Variants in PCDHA10 observed in about 807,000 individuals in gnomAD.
PCDHA10 encodes the protein protocadherin alpha 10, also known as protocadherin alpha-10.
In PCDHA10, 45 loss-of-function variants were observed where a neutral mutation model predicts 61.2. That is an observed-to-expected ratio of 0.74 (90% CI 0.58 to 0.94). The LOEUF (loss-of-function observed/expected upper bound fraction) is 0.94, where lower values mean the gene tolerates loss of function less well. PCDHA10 is among the 40% of genes least tolerant of loss of function. The pLI is 0.00. For synonymous variants in PCDHA10, 602 were observed against 548.8 expected, an observed-to-expected ratio of 1.10 and a Z score of -1.35; for missense variants, 1,278 against 1,236.2, an observed-to-expected ratio of 1.03 and a Z score of -0.51.
rs1554204719 is a variant in PCDHA10, at chr5:140,927,550, A to G, written c.2389-51399A>G. 4.3e-6 allele frequency: 7 copies of G among 1,614,020 alleles called. No homozygotes were observed. In the Admixed American group the frequency reaches 8.3e-5, roughly 19 times the overall value. ...TGCCCGCTCAGGAGACGCACAAGTC[A>G]CCATCATTGTGGTGGACACAAATGA... On this transcript the variant is annotated intron_variant, in intron 1 of 3. Coordinates refer to ENST00000307360, the MANE Select transcript of PCDHA10 (RefSeq NM_018901.4).
chr5:140,863,352 G>T (rs568992628), intron 1 of PCDHA10: 16 of 1,288,838 alleles, frequency 1.2e-5, no homozygotes, highest in Non-Finnish European at 1.6e-5. Context: ...TGTACACGAC[G>T]CTGCGGTGCT....
intron 1 of PCDHA10, chr5:140,866,668 AT>A (rs2049485821): frequency 1.3e-5 from 2 of 152,156 alleles, no homozygotes; most frequent in African/African-American, 2.4e-5. Flanking sequence ...TCAAGAAATA[AT>A]AGCACTAGGT....
intron 1 of PCDHA10, among the ~76,000 whole-genome samples, chr5:140,885,719 T>C (rs1304075284): frequency 6.6e-6 from 1 of 152,210 alleles, no homozygotes; most frequent in Non-Finnish European, 1.5e-5. Flanking sequence ...TAATGTGATC[T>C]CTGTGAAATG....
chr5:140,870,748 A>G lies in PCDHA10; in HGVS notation c.2388+12312A>G, dbSNP rs782462608. ...CGTGCCGCCTCTGAGCAGCAACGTG[A>G]CGCTGCAGGTGTTCGTGCTGGACGA... On this transcript the variant is annotated intron_variant, in intron 1 of 3. Transcript: ENST00000307360. The G allele has an allele frequency of 1.9e-6, 3 of 1,613,510 alleles. No individual in the cohort carries two copies. In the South Asian group the frequency reaches 3.3e-5, roughly 18 times the overall value.
At chr5:140,966,539 T>C in intron 1 of PCDHA10, 1 of 462,182 alleles carries the variant, frequency 2.2e-6, no homozygotes, top group South Asian at 5.8e-5. Flanking sequence ...GTTGAGCGAC[T>C]CGGAGGCGAG....
At chr5:140,941,239 C>CTTTCTTTCTTTCT in intron 1 of PCDHA10, among the ~76,000 whole-genome samples, 1 of 134,600 alleles carries the variant, frequency 7.4e-6, no homozygotes, top group South Asian at 2.4e-4. Flanking sequence ...TTCTTTCTTT[C>CTTTCTTTCTTTCT]TTTCTTTCTT....
chr5:140,879,051 T>A (rs1446827922), intron 1 of PCDHA10, among the ~76,000 whole-genome samples: 1 of 152,166 alleles, frequency 6.6e-6, no homozygotes, highest in Non-Finnish European at 1.5e-5. Flanking sequence ...ATAGACAACA[T>A]TTTACCAAGA....
intron 3 of PCDHA10, among the ~76,000 whole-genome samples, chr5:140,992,500 A>C (rs1205902091): frequency 6.6e-6 from 1 of 152,222 alleles, no homozygotes; most frequent in Non-Finnish European, 1.5e-5. Context: ...GTAAGGATTC[A>C]ATCCTGGGGC....
chr5:140,883,581 C>A, intron 1 of PCDHA10: 2 of 1,614,018 alleles, frequency 1.2e-6, no homozygotes, highest in Non-Finnish European at 1.7e-6. Flanking sequence ...CTGTGGGCCA[C>A]GGCCAGCGTG....
intron 1 of PCDHA10, among the ~76,000 whole-genome samples, chr5:140,904,057 G>T (rs1043471579): frequency 6.6e-6 from 1 of 151,986 alleles, no homozygotes; most frequent in Non-Finnish European, 1.5e-5. Context: ...ATTTCAATGG[G>T]TTTTTGGGGA....
Position 140,883,366 on chromosome 5 carries a change from C to A in PCDHA10, c.2388+24930C>A, listed in dbSNP as rs34923516. 1.2e-5 allele frequency: 19 copies of A among 1,614,056 alleles called. No individual in the cohort carries two copies. In the African/African-American group the frequency reaches 2.4e-4, roughly 20 times the overall value. On this transcript the variant is annotated intron_variant, in intron 1 of 3. Transcript: ENST00000307360. ...CCATCAGAGAAGACACTCAGCCTAGCGCCATTATTGCCCTAATCAGTGTGT... is the reference window on the plus strand; with the variant it reads ...CCATCAGAGAAGACACTCAGCCTAGAGCCATTATTGCCCTAATCAGTGTGT...
chr5:140,928,757 G>T (rs372744198), intron 1 of PCDHA10: 1 of 1,614,092 alleles, frequency 6.2e-7, no homozygotes, highest in African/African-American at 1.3e-5. Context: ...CGTACTGCTC[G>T]CTTAGTTCTT....
At chr5:140,870,755 A>G in intron 1 of PCDHA10, 3 of 1,613,522 alleles carry the variant, frequency 1.9e-6, no homozygotes, top group Non-Finnish European at 2.5e-6. Flanking sequence ...GTGACGCTGC[A>G]GGTGTTCGTG....
At chr5:141,002,097 G>A (rs782083569) in intron 3 of PCDHA10, among the ~76,000 whole-genome samples, 3 of 152,230 alleles carry the variant, frequency 2.0e-5, no homozygotes, top group Non-Finnish European at 4.4e-5. Flanking sequence ...TCCAGGGGCT[G>A]GGCCGGAAAC....
At chr5:140,900,073 G>T (rs1490261769) in intron 1 of PCDHA10, among the ~76,000 whole-genome samples, 1 of 152,072 alleles carries the variant, frequency 6.6e-6, no homozygotes, top group African/African-American at 2.4e-5. Flanking sequence ...GCCTCCAAAA[G>T]TGCTGCAGTT....
rs191667063 is a variant in PCDHA10 at position 140,957,933 on chromosome 5, T to G, written c.2389-21016T>G. Among the ~76,000 whole-genome samples the G allele has an allele frequency of 2.8e-3, 419 of 152,208 alleles. 2 individuals carry two copies. The highest frequency in any genetic ancestry group is 0.014 in the Middle Eastern group (4 of 294). ...GTTATCTATGTATCAAGCTAAATAA[T>G]TTAAAGATCTTTAAGACTATTAATT... is the stretch of plus-strand genomic sequence containing the variant. On this transcript the variant is annotated intron_variant, in intron 1 of 3. Transcript: ENST00000307360.
chr5:140,870,657 G>A (rs782619046), intron 1 of PCDHA10: 1 of 1,612,514 alleles, frequency 6.2e-7, no homozygotes, highest in East Asian at 2.2e-5. Context: ...AGGTGTACGC[G>A]CTGCAGCCGT....
intron 1 of PCDHA10, chr5:140,876,180 T>G (rs782772220): frequency 1.2e-6 from 2 of 1,613,982 alleles, no homozygotes; most frequent in East Asian, 4.5e-5. Flanking sequence ...TGGATGTGAA[T>G]GACAATGGTC....
chr5:140,856,606 CA>C lies in PCDHA10; in HGVS notation c.561del (p.Asp188ThrfsTer20). 1 of 1,597,764 alleles carries C rather than the reference CA, an allele frequency of 6.3e-7. No individual in the cohort carries two copies. Among genetic ancestry groups the C allele is most frequent in the Non-Finnish European group, 8.6e-7 (1 of 1,167,398 alleles). On this transcript the variant is annotated frameshift_variant, in exon 1 of 4. Coordinates refer to ENST00000307360, the MANE Select transcript of PCDHA10 (RefSeq NM_018901.4). LOFTEE classifies it high-confidence loss of function. Reference sequence around the variant, plus strand: ...TTCTTGATATTATAAACAAAAAAGACAAAGACAAATTCCCAGTGCTTGTTCT... The same window carrying C: ...TTCTTGATATTATAAACAAAAAAGACAAGACAAATTCCCAGTGCTTGTTCT... Reference protein sequence around the residue: ...FVLDIINKKDKDKFPVLVLRK... With the variant: ...FVLDIINKKDXDKFPVLVLRK...
Sources: allele counts gnomAD v4.1 joint callset (sites outside exome capture counted in the v4.1 genomes callset), GRCh38; gene constraint gnomAD v4.1.1; transcripts MANE v1.5; gene names NCBI Gene and HGNC (gene_info 2026-07-23, HGNC 2026-07-21).